ZFHX3: variants seen among roughly 807,000 people sequenced by gnomAD.
The protein encoded by ZFHX3 is zinc finger homeobox 3, also known as zinc finger homeobox protein 3.
In ZFHX3, 42 loss-of-function variants were observed where a neutral mutation model predicts 279.1. The ratio of observed to expected loss-of-function variants is 0.15; its 90% CI spans 0.12 to 0.19. The LOEUF (loss-of-function observed/expected upper bound fraction) is 0.19. Among genes scored for constraint, ZFHX3 ranks in the 10% least tolerant of loss-of-function variants. The pLI, the probability that ZFHX3 is intolerant of heterozygous loss-of-function variation, is 1.00. For missense variants in ZFHX3, 4,981 were observed against 4,754.0 expected (o/e 1.05, Z -1.40); for synonymous variants, 2,293 against 1,957.8 (o/e 1.17, Z -4.52).
At chr16:73,711,759 G>C (rs2053365396) in intron 1 of ZFHX3, among the ~76,000 whole-genome samples, 2 of 152,210 alleles carry the variant, frequency 1.3e-5, no homozygotes. Flanking sequence ...CTCCAAAGAT[G>C]GATTAGGTGT....
chr16:73,436,710 C>T (rs1412119493), intron 3 of ZFHX3, among the ~76,000 whole-genome samples: 1 of 144,238 alleles, frequency 6.9e-6, no homozygotes, highest in African/African-American at 2.5e-5. Flanking sequence ...CTTGCTTTGG[C>T]TGTGCTGTTC....
chr16:73,239,835 G>A (rs2013064843), intron 5 of ZFHX3, among the ~76,000 whole-genome samples: 1 of 152,168 alleles, frequency 6.6e-6, no homozygotes, highest in African/African-American at 2.4e-5. Flanking sequence ...ACTGATTCTT[G>A]TTATTTGCAG....
intron 4 of ZFHX3, among the ~76,000 whole-genome samples, chr16:73,312,215 T>A (rs2143168888): frequency 6.6e-6 from 1 of 152,268 alleles, no homozygotes; most frequent in Non-Finnish European, 1.5e-5. Context: ...GGTTGGGATG[T>A]TTAGTCTGAC....
Position 73,754,547 on chromosome 16 carries a change from C to T in ZFHX3, c.-1607-74307G>A, listed in dbSNP as rs182338532. ...TGCAGCCCCAGCTGCCACATGCTCT[C>T]CTCTGCACCAGAATATTGTTTGTAG... On this transcript the variant is annotated intron_variant, in intron 1 of 17. Transcript: ENST00000641206. Among the ~76,000 whole-genome samples the T allele has an allele frequency of 2.9e-4, 44 of 152,180 alleles. No homozygotes were observed. In the East Asian group the frequency reaches 8.3e-3, roughly 29 times the overall value.
At chr16:73,747,568 C>G (rs2053715616) in intron 1 of ZFHX3, among the ~76,000 whole-genome samples, 1 of 152,104 alleles carries the variant, frequency 6.6e-6, no homozygotes, top group East Asian at 1.9e-4. Flanking sequence ...GTGATCTAAC[C>G]AGTCCTATGG....
At chr16:73,126,538 A>G (rs1966572184) in intron 7 of ZFHX3, 1 of 152,212 alleles carries the variant, frequency 6.6e-6, no homozygotes. Flanking sequence ...AGCCACACTT[A>G]GGGTACACGT....
intron 1 of ZFHX3, among the ~76,000 whole-genome samples, chr16:73,027,477 G>A (rs931923415): frequency 6.6e-6 from 1 of 152,166 alleles, no homozygotes; most frequent in Non-Finnish European, 1.5e-5. Context: ...CTTTTTATGG[G>A]AATGCCTTTT....
intron 1 of ZFHX3, among the ~76,000 whole-genome samples, chr16:73,771,570 T>G (rs1454652359): frequency 3.3e-5 from 5 of 152,136 alleles, no homozygotes; most frequent in African/African-American, 9.7e-5. Context: ...GCTGCACACA[T>G]GCGCCACAGC....
At chr16:72,939,705 C>A (rs1032752063) in intron 3 of ZFHX3, among the ~76,000 whole-genome samples, 1 of 152,122 alleles carries the variant, frequency 6.6e-6, no homozygotes, top group Non-Finnish European at 1.5e-5. Flanking sequence ...CTGGCCAACA[C>A]GGTGAAACCC....
chr16:73,256,728 G>A (rs2013670727), intron 5 of ZFHX3, among the ~76,000 whole-genome samples: 1 of 152,086 alleles, frequency 6.6e-6, no homozygotes, highest in Non-Finnish European at 1.5e-5. Context: ...AAAAACTGAG[G>A]GATCAAGTAA....
chr16:73,806,194 G>T (rs1357546764), intron 1 of ZFHX3, among the ~76,000 whole-genome samples: 1 of 152,172 alleles, frequency 6.6e-6, no homozygotes, highest in Non-Finnish European at 1.5e-5. Context: ...ATCTGGTCCC[G>T]CCCTTGACAC....
chr16:73,514,234 C>A (rs1407593113), intron 2 of ZFHX3, among the ~76,000 whole-genome samples: 1 of 151,396 alleles, frequency 6.6e-6, no homozygotes, highest in Non-Finnish European at 1.5e-5. Context: ...GGTGACAGAG[C>A]AAGACTCCGT....
chr16:73,258,107 A>G (rs1440165788), intron 4 of ZFHX3, among the ~76,000 whole-genome samples: 1 of 151,954 alleles, frequency 6.6e-6, no homozygotes, highest in African/African-American at 2.4e-5. Flanking sequence ...TTTTTTAAGC[A>G]CCTTTTAGGG....
rs564786002 is a variant in ZFHX3 at position 72,847,339 on chromosome 16, T to A, written c.3449-17480A>T. 4.5e-4 allele frequency among the ~76,000 whole-genome samples: 69 copies of A among 152,190 alleles called. 1 individual carries two copies. Among genetic ancestry groups the A allele is most frequent in the African/African-American group, 1.5e-3 (61 of 41,530 alleles). On this transcript the variant is annotated intron_variant, in intron 4 of 9. Transcript: ENST00000268489. The stretch of plus-strand genomic sequence containing the variant: ...GTCTCCCCCTAGTGACACGCAGACC[T>A]CTCTGCTACTGGTGCCACCACCCTG...
intron 1 of ZFHX3, among the ~76,000 whole-genome samples, chr16:73,697,923 C>T (rs1381677388): frequency 1.3e-5 from 2 of 152,068 alleles, no homozygotes; most frequent in Non-Finnish European, 2.9e-5. Context: ...TAGAGCCCAC[C>T]CAGATTTTGT....
At chr16:72,823,854 A>G (rs2036863813) in intron 5 of ZFHX3, among the ~76,000 whole-genome samples, 1 of 151,802 alleles carries the variant, frequency 6.6e-6, no homozygotes, top group Non-Finnish European at 1.5e-5. Context: ...TAGGCCTTGA[A>G]CCCAGGGCTT....
chr16:73,613,493 A>T (rs895782043), intron 2 of ZFHX3, among the ~76,000 whole-genome samples: 2 of 151,742 alleles, frequency 1.3e-5, no homozygotes, highest in Admixed American at 6.6e-5. Flanking sequence ...ATTCATACTG[A>T]ACAGTGCACT....
intron 1 of ZFHX3, among the ~76,000 whole-genome samples, chr16:73,729,199 G>A (rs1017870915): frequency 5.9e-5 from 9 of 152,124 alleles, no homozygotes; most frequent in African/African-American, 2.2e-4. Context: ...ACCCACTGCT[G>A]GCTGCCTTCC....
intron 1 of ZFHX3, among the ~76,000 whole-genome samples, chr16:73,728,015 G>GCCCCCCCCCCCCCCCC (rs3049673): frequency 1.5e-4 from 11 of 75,426 alleles, no homozygotes; most frequent in South Asian, 7.3e-4. Context: ...GCCGAATTGT[G>GCCCCCCCCCCCCCCCC]CCCCCCCCCC....
Sources: gnomAD v4.1 joint callset for allele counts (sites outside exome capture counted in the v4.1 genomes callset) on GRCh38, gnomAD v4.1.1 for gene constraint, MANE v1.5 for transcripts, NCBI Gene and HGNC (gene_info 2026-07-23, HGNC 2026-07-21) for gene names.